PCBP3: variants seen among roughly 807,000 people sequenced by gnomAD.
PCBP3 encodes the protein poly(rC)-binding protein 3.
In PCBP3, 25 loss-of-function variants were observed where a neutral mutation model predicts 52.7. The ratio of observed to expected loss-of-function variants is 0.47; its 90% CI spans 0.35 to 0.66. The LOEUF (loss-of-function observed/expected upper bound fraction) is 0.66. Ranked by LOEUF, PCBP3 falls within the 30% of genes least tolerant of loss-of-function variation. PCBP3 has a pLI of 0.01. For synonymous variants in PCBP3, 162 were observed against 183.0 expected, an observed-to-expected ratio of 0.89 and a Z score of 0.93; for missense variants, 391 against 490.3, an observed-to-expected ratio of 0.80 and a Z score of 1.91.
At chr21:45,847,751 A>G (rs781148183) in intron 4 of PCBP3, among the ~76,000 whole-genome samples, 5 of 152,096 alleles carry the variant, frequency 3.3e-5, no homozygotes, top group Admixed American at 2.0e-4. Flanking sequence ...GTCCCAAAGA[A>G]TTTTCTCTCA....
chr21:45,895,130 GTA>G (rs2095792504), intron 5 of PCBP3, among the ~76,000 whole-genome samples: 1 of 152,170 alleles, frequency 6.6e-6, no homozygotes, highest in Non-Finnish European at 1.5e-5. Flanking sequence ...GCTGCTCTTT[GTA>G]GATCCTCCTT....
chr21:45,827,435 C>CAG lies in PCBP3; in HGVS notation c.-125-22524_-125-22523dup, dbSNP rs1400137037. 6.6e-6 allele frequency among the ~76,000 whole-genome samples: 1 copy of CAG among 152,164 alleles called. No homozygotes were observed. The highest frequency in any genetic ancestry group is 2.4e-5 in the African/African-American group (1 of 41,428). On this transcript the variant is annotated intron_variant, in intron 4 of 17. Transcript: ENST00000681687. This position sits in a 1 kb window ranked among gnomAD's most constrained non-coding sequence, Gnocchi z 4.3. ...AGTTCAGCTGACAAAAGGCAATCGACAGACACCAACACCAACACCCAGATG... is the reference window on the plus strand; with the variant it reads ...AGTTCAGCTGACAAAAGGCAATCGACAGAGACACCAACACCAACACCCAGATG...
chr21:45,799,917 G>A (rs2092222657), intron 4 of PCBP3, among the ~76,000 whole-genome samples: 2 of 152,230 alleles, frequency 1.3e-5, no homozygotes, highest in Non-Finnish European at 1.5e-5. Context: ...CCTTGATGCG[G>A]GCAGAGGCTG....
At chr21:45,780,987 T>A (rs2090596771) in intron 4 of PCBP3, among the ~76,000 whole-genome samples, 1 of 151,914 alleles carries the variant, frequency 6.6e-6, no homozygotes, top group African/African-American at 2.4e-5. Flanking sequence ...TGGGGGTAAG[T>A]GGGGGAATCA....
At chr21:45,864,904 C>G (rs1298667699) in intron 5 of PCBP3, among the ~76,000 whole-genome samples, 2 of 152,152 alleles carry the variant, frequency 1.3e-5, no homozygotes, top group East Asian at 3.8e-4. Flanking sequence ...CCCTTGATAA[C>G]AAAAAGAAGC....
At chr21:45,861,825 A>G (rs2094521051) in intron 5 of PCBP3, among the ~76,000 whole-genome samples, 1 of 152,178 alleles carries the variant, frequency 6.6e-6, no homozygotes, top group South Asian at 2.1e-4. Flanking sequence ...ATCCACTCAA[A>G]GGTCATGGTT....
intron 4 of PCBP3, among the ~76,000 whole-genome samples, chr21:45,765,124 A>C (rs1872014181): frequency 6.6e-6 from 1 of 152,236 alleles, no homozygotes. Context: ...GTCAGTGGGC[A>C]GCTGCTGAGT....
intron 9 of PCBP3, among the ~76,000 whole-genome samples, chr21:45,901,744 A>G (rs1438705628): frequency 4.6e-5 from 4 of 86,752 alleles, no homozygotes; most frequent in African/African-American, 1.2e-4. Flanking sequence ...GAGAGACAGA[A>G]AGAGAGAGAG....
chr21:45,717,686 C>T (rs1415974111), intron 2 of PCBP3, among the ~76,000 whole-genome samples: 1 of 152,164 alleles, frequency 6.6e-6, no homozygotes, highest in East Asian at 1.9e-4. Context: ...ATAAACCCCA[C>T]TTGATTATAG....
At chr21:45,811,232 C>A (rs569038489) in intron 4 of PCBP3, among the ~76,000 whole-genome samples, 1 of 152,248 alleles carries the variant, frequency 6.6e-6, no homozygotes, top group Non-Finnish European at 1.5e-5. Flanking sequence ...ACAAGCTCAT[C>A]ACCTTTCAGT....
At chr21:45,680,433 TTTGG>T in intron 2 of PCBP3, among the ~76,000 whole-genome samples, 1 of 152,238 alleles carries the variant, frequency 6.6e-6, no homozygotes, top group East Asian at 1.9e-4. Context: ...TTCTACACGT[TTTGG>T]TGGATTTACA....
chr21:45,866,004 G>T (rs2094709854), intron 5 of PCBP3, among the ~76,000 whole-genome samples: 1 of 152,232 alleles, frequency 6.6e-6, no homozygotes, highest in African/African-American at 2.4e-5. Context: ...GAGCCAGCAG[G>T]CTTGGCCTGT....
In PCBP3 at chr21:45,805,381, C is replaced by T. The variant is rs965020299; in HGVS notation, c.-125-44580C>T. Among the ~76,000 whole-genome samples the T allele has an allele frequency of 1.3e-5, 2 of 151,978 alleles. No homozygotes were observed. Among genetic ancestry groups the T allele is most frequent in the Admixed American group, 1.3e-4 (2 of 15,264 alleles). On this transcript the variant is annotated intron_variant, in intron 4 of 17. Coordinates refer to ENST00000681687, the MANE Select transcript of PCBP3 (RefSeq NM_001384156.1). The surrounding 1 kb of genome is among the most constrained non-coding windows in gnomAD (Gnocchi z 4.6). Reference sequence around the variant, plus strand: ...ACTGGTAACAAGCAGGGGTTTGGCACCCCCCTTGCCCACCTGCCCTGTGTG... The same window carrying T: ...ACTGGTAACAAGCAGGGGTTTGGCATCCCCCTTGCCCACCTGCCCTGTGTG...
At position 45,937,146 on chromosome 21, in the gene PCBP3, A is replaced by G. The variant is rs2076970588; in HGVS notation, c.909+1841A>G. Among the ~76,000 whole-genome samples, 4 of 152,230 alleles carry G rather than the reference A, an allele frequency of 2.6e-5. No individual in the cohort carries two copies. In the South Asian group the frequency reaches 8.3e-4, roughly 32 times the overall value. ...CGTGCTTGTTCTGAACTTGCCTGTC[A>G]TCTCGTCCACGTCCGTCTCTTGGTC... On this transcript the variant is annotated intron_variant, in intron 16 of 17. Transcript: ENST00000681687.
Position 45,745,166 on chromosome 21 carries a change from G to T in PCBP3, c.-162+9737G>T, listed in dbSNP as rs2086734117. 2.6e-5 allele frequency among the ~76,000 whole-genome samples: 4 copies of T among 152,218 alleles called. No homozygotes were observed. The South Asian group carries it at 8.3e-4, about 31-fold the overall frequency. On this transcript the variant is annotated intron_variant, in intron 3 of 17. Coordinates refer to ENST00000681687, the MANE Select transcript of PCBP3 (RefSeq NM_001384156.1). ...CTGGAAGAAAAACATTCTGGAGTTT[G>T]TGGGGAGCAGACAGACTTCTGTGTG...
At position 45,790,701 on chromosome 21, in the gene PCBP3, G is replaced by C. The variant is rs543448712; in HGVS notation, c.-126+35249G>C. 6.6e-5 allele frequency among the ~76,000 whole-genome samples: 10 copies of C among 152,242 alleles called. No individual in the cohort carries two copies. In the East Asian group the frequency reaches 1.9e-3, roughly 30 times the overall value. ...AGCTGAGGGCAGTGCCTCATCAGGA[G>C]AGGAGAGATAGTCTCAATCCTGTGG... is the stretch of plus-strand genomic sequence containing the variant. On this transcript the variant is annotated intron_variant, in intron 4 of 17. Coordinates refer to ENST00000681687, the MANE Select transcript of PCBP3 (RefSeq NM_001384156.1).
chr21:45,780,091 T>A (rs1329596250), intron 4 of PCBP3, among the ~76,000 whole-genome samples: 1 of 152,264 alleles, frequency 6.6e-6, no homozygotes, highest in Non-Finnish European at 1.5e-5. Flanking sequence ...CCTATACTTT[T>A]TGTCATTTAT....
chr21:45,793,425 A>G (rs1464383069), intron 4 of PCBP3, among the ~76,000 whole-genome samples: 1 of 152,090 alleles, frequency 6.6e-6, no homozygotes, highest in Non-Finnish European at 1.5e-5. Flanking sequence ...GGGGAGAGCG[A>G]GAGGAAAAGC....
At position 45,705,405 on chromosome 21, in the gene PCBP3, C is replaced by G. The variant is rs17004796; in HGVS notation, c.-199-29987C>G. On this transcript the variant is annotated intron_variant, in intron 2 of 17. Transcript: ENST00000681687. ...TGGGTAAGTGACACCAGGGCTGGGA[C>G]AAGCAGAGCCCCTCCTCGGCTGAAG... Among the ~76,000 whole-genome samples the G allele has an allele frequency of 5.9e-3, 898 of 152,358 alleles. 7 individuals are homozygous for G. Among genetic ancestry groups the G allele is most frequent in the African/African-American group, 0.02 (840 of 41,582 alleles).
Sources: allele counts gnomAD v4.1 joint callset (sites outside exome capture counted in the v4.1 genomes callset), GRCh38; gene constraint gnomAD v4.1.1; non-coding constraint Gnocchi (gnomAD v3.1); transcripts MANE v1.5; gene names NCBI Gene and HGNC (gene_info 2026-07-23, HGNC 2026-07-21).